Variants in KCNN2 observed in about 807,000 individuals in gnomAD.
The protein encoded by KCNN2 is small conductance calcium-activated potassium channel protein 2.
In KCNN2, 24 loss-of-function variants were observed where a neutral mutation model predicts 55.5. That is an observed-to-expected ratio of 0.43 (90% CI 0.31 to 0.61). The LOEUF is 0.61. Ranked by LOEUF, KCNN2 falls within the 20% of genes least tolerant of loss-of-function variation. The pLI is 0.08. For synonymous variants in KCNN2, 431 were observed against 336.1 expected (o/e 1.28, Z -3.09); for missense variants, 754 against 853.6 (o/e 0.88, Z 1.45).
chr5:114,147,931 A>G (rs1752432916), intron 1 of KCNN2, among the ~76,000 whole-genome samples: 1 of 152,200 alleles, frequency 6.6e-6, no homozygotes, highest in Non-Finnish European at 1.5e-5. Context: ...AATTTTAAAG[A>G]GGTAAAACAT....
intron 1 of KCNN2, among the ~76,000 whole-genome samples, chr5:114,116,292 C>T (rs1425995534): frequency 3.3e-5 from 5 of 152,056 alleles, no homozygotes; most frequent in African/African-American, 1.2e-4. Context: ...TCTCTGCAGT[C>T]AGAGAGGCAA....
rs1183263439 is a variant in KCNN2, at chr5:114,449,557, C to T, written c.1638-13492C>T. Among the ~76,000 whole-genome samples the T allele has an allele frequency of 3.9e-5, 6 of 152,078 alleles. No homozygotes were observed. The South Asian group carries it at 6.2e-4, about 16-fold the overall frequency. Reference sequence around the variant, plus strand: ...GACAGTCTGTTCTCTTAGAGAAAAGCGAGGCTCAGACATTAGGATGCACTG... The same window carrying T: ...GACAGTCTGTTCTCTTAGAGAAAAGTGAGGCTCAGACATTAGGATGCACTG... On this transcript the variant is annotated intron_variant, in intron 3 of 7. Transcript: ENST00000673685.
chr5:114,341,540 A>T (rs1285928902), intron 2 of KCNN2, among the ~76,000 whole-genome samples: 1 of 152,312 alleles, frequency 6.6e-6, no homozygotes, highest in South Asian at 2.1e-4. Context: ...GTTTGATGTC[A>T]TTATAATTTA....
intron 5 of KCNN2, among the ~76,000 whole-genome samples, chr5:114,475,741 G>A (rs901097274): frequency 6.6e-6 from 1 of 151,950 alleles, no homozygotes; most frequent in Non-Finnish European, 1.5e-5. Context: ...CCTAAAGTCC[G>A]GTCAGAGGCC....
At chr5:114,383,707 A>G (rs1758196906) in intron 2 of KCNN2, among the ~76,000 whole-genome samples, 1 of 152,070 alleles carries the variant, frequency 6.6e-6, no homozygotes, top group African/African-American at 2.4e-5. Flanking sequence ...ACCTCAAGTG[A>G]TCTGCCCACC....
At chr5:114,320,569 G>A (rs1044970265) in intron 2 of KCNN2, among the ~76,000 whole-genome samples, 3 of 151,348 alleles carry the variant, frequency 2.0e-5, no homozygotes, top group East Asian at 1.9e-4. Flanking sequence ...AGCCGAGATC[G>A]CGCCACTGCA....
intron 2 of KCNN2, among the ~76,000 whole-genome samples, chr5:114,298,554 G>A (rs1366313637): frequency 6.6e-6 from 1 of 152,018 alleles, no homozygotes; most frequent in East Asian, 1.9e-4. Context: ...ACAATTGCTT[G>A]TTAGGTGAAA....
chr5:114,083,191 A>T (rs1043719364), intron 1 of KCNN2, among the ~76,000 whole-genome samples: 3 of 152,004 alleles, frequency 2.0e-5, no homozygotes, highest in Non-Finnish European at 2.9e-5. Context: ...TTCTTAGTCT[A>T]TCTAGAGGTT....
At chr5:114,200,115 G>C (rs1343762160) in intron 1 of KCNN2, among the ~76,000 whole-genome samples, 1 of 151,952 alleles carries the variant, frequency 6.6e-6, no homozygotes, top group Non-Finnish European at 1.5e-5. Context: ...TAAACTATTT[G>C]ATCTCTTTCT....
At chr5:114,136,391 C>T (rs530342386) in intron 1 of KCNN2, among the ~76,000 whole-genome samples, 5 of 152,174 alleles carry the variant, frequency 3.3e-5, no homozygotes, top group South Asian at 2.1e-4. Flanking sequence ...GATGCTTGTG[C>T]TGTGCTCTTA....
intron 1 of KCNN2, among the ~76,000 whole-genome samples, chr5:114,191,590 G>T (rs1437647229): frequency 6.6e-6 from 1 of 152,126 alleles, no homozygotes; most frequent in Non-Finnish European, 1.5e-5. Context: ...TGGGGCTATG[G>T]ATGATCTGTG....
At chr5:114,453,791 TTTCCTC>T (rs1284844652) in intron 3 of KCNN2, among the ~76,000 whole-genome samples, 1 of 152,182 alleles carries the variant, frequency 6.6e-6, no homozygotes, top group Non-Finnish European at 1.5e-5. Context: ...GTATTCCACT[TTTCCTC>T]TTCCTATTAA....
intron 2 of KCNN2, among the ~76,000 whole-genome samples, chr5:114,280,495 A>T (rs556058635): frequency 6.6e-6 from 1 of 152,234 alleles, no homozygotes; most frequent in Admixed American, 6.5e-5. Context: ...TAAGGAAGGG[A>T]TCCAGTTTCA....
intron 5 of KCNN2, among the ~76,000 whole-genome samples, chr5:114,481,129 C>CTGAT (rs1762204833): frequency 1.3e-5 from 2 of 152,166 alleles, no homozygotes; most frequent in African/African-American, 4.8e-5. Context: ...GCTTCTTAAG[C>CTGAT]TGATAAGCAA....
intron 1 of KCNN2, among the ~76,000 whole-genome samples, chr5:114,157,833 G>A (rs1478284214): frequency 6.7e-6 from 1 of 150,124 alleles, no homozygotes; most frequent in Non-Finnish European, 1.5e-5. Context: ...CATTTCCTTT[G>A]CCCACTTTTT....
At chr5:114,093,674 G>T (rs1369706831) in intron 1 of KCNN2, among the ~76,000 whole-genome samples, 1 of 152,150 alleles carries the variant, frequency 6.6e-6, no homozygotes, top group Non-Finnish European at 1.5e-5. Context: ...TCTTCATAAG[G>T]TGACAGGAAG....
At chr5:114,323,892 C>T (rs1376528547) in intron 2 of KCNN2, among the ~76,000 whole-genome samples, 1 of 151,752 alleles carries the variant, frequency 6.6e-6, no homozygotes, top group Non-Finnish European at 1.5e-5. Flanking sequence ...CATGATATGC[C>T]CGCCTTGGCC....
intron 1 of KCNN2, among the ~76,000 whole-genome samples, chr5:114,119,644 C>G (rs559738806): frequency 1.1e-4 from 17 of 152,246 alleles, no homozygotes; most frequent in South Asian, 6.2e-4. Context: ...CCTGTCTGAT[C>G]ACACCCTCCC....
Position 114,494,564 on chromosome 5 carries a change from C to T in KCNN2, c.2088+1092C>T, listed in dbSNP as rs143311840. On this transcript the variant is annotated intron_variant, in intron 7 of 7. Transcript: ENST00000673685. Reference sequence around the variant, plus strand: ...GAAAAAAAGATAGGGCAAGCTCCATCACTCCTAGGTTAAATGATTTTTAAT... The same window carrying T: ...GAAAAAAAGATAGGGCAAGCTCCATTACTCCTAGGTTAAATGATTTTTAAT... 1.7e-3 allele frequency among the ~76,000 whole-genome samples: 261 copies of T among 152,064 alleles called. 2 individuals carry two copies. Among genetic ancestry groups the T allele is most frequent in the African/African-American group, 6.1e-3 (254 of 41,504 alleles).
Sources: gnomAD v4.1 joint callset for allele counts (sites outside exome capture counted in the v4.1 genomes callset) on GRCh38, gnomAD v4.1.1 for gene constraint, MANE v1.5 for transcripts, NCBI Gene and HGNC (gene_info 2026-07-23, HGNC 2026-07-21) for gene names.